PPL: variants seen among roughly 807,000 people sequenced by gnomAD.
PPL encodes periplakin.
Under a neutral mutation model 194.4 loss-of-function variants are expected in PPL, and 198 were observed. That is an observed-to-expected ratio of 1.02 (90% confidence interval 0.91 to 1.15). The LOEUF (loss-of-function observed/expected upper bound fraction) is 1.15. Among genes scored for constraint, PPL ranks in the 50% most tolerant of loss-of-function variants. The probability of loss-of-function intolerance (pLI) is 0.00; values close to 1 mark genes in which losing one functional copy is unlikely to be tolerated. For synonymous variants in PPL, 1,220 were observed against 972.4 expected (o/e 1.25, Z -4.74); for missense variants, 2,885 against 2,294.8 (o/e 1.26, Z -5.25).
chr16:4,926,878 C>CAAAAAAAAAAAAAA (rs71402575), intron 1 of PPL, among the ~76,000 whole-genome samples: 12 of 81,720 alleles, frequency 1.5e-4, no homozygotes, highest in Non-Finnish European at 2.1e-4. Flanking sequence ...GACTCTGTCT[C>CAAAAAAAAAAAAAA]AAAAAAAAAA....
rs2088677226 is a variant in PPL, at chr16:4,906,140, G to A, written c.163-2100C>T. Among the ~76,000 whole-genome samples the A allele has an allele frequency of 2.0e-5, 3 of 152,258 alleles. No homozygotes were observed. In the South Asian group the frequency reaches 6.2e-4, roughly 32 times the overall value. On this transcript the variant is annotated intron_variant, in intron 2 of 21. Coordinates refer to ENST00000345988, the MANE Select transcript of PPL (RefSeq NM_002705.5). Reference sequence around the variant, plus strand: ...CCAATCCAAAAAGCCAATGGAACCAGGCATCCCCCAACCCTGGGGTAGGCT... The same window carrying A: ...CCAATCCAAAAAGCCAATGGAACCAAGCATCCCCCAACCCTGGGGTAGGCT...
intron 18 of PPL, 56 bp from the exon 19 acceptor site, chr16:4,889,117 A>G (rs1596545476): frequency 6.5e-6 from 9 of 1,378,606 alleles, no homozygotes; most frequent in South Asian, 5.8e-5. Context: ...TAAAAAAGCA[A>G]CCATGGATGC....
rs544771460 is a variant in PPL at position 4,902,204 on chromosome 16, C to G, written c.438+202G>C. On this transcript the variant is annotated intron_variant, in intron 4 of 21. Transcript: ENST00000345988. This position sits in a 1 kb window ranked among gnomAD's most constrained non-coding sequence, Gnocchi z 4.0. Reference sequence around the variant, plus strand: ...CAGGGGACAGAGTCCGAATCTCCACCGCTTGAGCTGTGTGACCCTGACTTC... The same window carrying G: ...CAGGGGACAGAGTCCGAATCTCCACGGCTTGAGCTGTGTGACCCTGACTTC... Among the ~76,000 whole-genome samples the G allele has an allele frequency of 6.6e-6, 1 of 152,208 alleles. No homozygotes were observed. The highest frequency in any genetic ancestry group is 1.5e-5 in the Non-Finnish European group (1 of 68,042).
chr16:4,885,888 A>G lies in PPL; in HGVS notation c.2767T>C (p.Leu923=), dbSNP rs1567987617. The G allele has an allele frequency of 1.2e-6, 2 of 1,610,212 alleles. No individual in the cohort carries two copies. The highest frequency in any genetic ancestry group is 1.3e-5 in the African/African-American group (1 of 75,044). ...GATTCCTGAGGCCCCTGATTCCTCAAGGTCCAGATTTCTTCCTGGGTGCTC... is the reference window on the plus strand; with the variant it reads ...GATTCCTGAGGCCCCTGATTCCTCAGGGTCCAGATTTCTTCCTGGGTGCTC... ...VKSTQEEIWT[L]RNQGPQESVV... Residue 923 remains leucine (L), a synonymous_variant, in exon 22 of 22, where the codon TTG becomes CTG. Transcript: ENST00000345988. This position sits in a 1 kb window ranked among gnomAD's most constrained non-coding sequence, Gnocchi z 6.3.
intron 1 of PPL, among the ~76,000 whole-genome samples, chr16:4,915,929 C>G (rs72633277): frequency 0.13 from 19,917 of 152,204 alleles, 1,536 homozygotes; most frequent in East Asian, 0.26. Context: ...ATGTGACGAT[C>G]TTACAGGGCT....
intron 1 of PPL, among the ~76,000 whole-genome samples, chr16:4,916,115 G>T (rs1345435332): frequency 6.6e-6 from 1 of 152,202 alleles, no homozygotes; most frequent in Non-Finnish European, 1.5e-5. Context: ...ATGCAAAATG[G>T]TGTACAGTTG....
intron 17 of PPL, 69 bp downstream of exon 17, chr16:4,890,659 G>T: frequency 1.3e-6 from 2 of 1,492,290 alleles, no homozygotes; most frequent in Non-Finnish European, 1.8e-6. Flanking sequence ...CACGGCTAAA[G>T]CATTGCTTAG....
At chr16:4,887,252 C>A in intron 20 of PPL, 25 bp from the exon 21 acceptor site, 1 of 1,569,284 alleles carries the variant, frequency 6.4e-7, no homozygotes, top group Middle Eastern at 1.7e-4. Context: ...ATTAGGAGAG[C>A]GGTCAACAAA....
At chr16:4,890,442 C>T (rs75403547) in intron 17 of PPL, 108 bp from the exon 18 acceptor site, 89,160 of 1,337,222 alleles carry the variant, frequency 0.067, 3,282 homozygotes, top group Non-Finnish European at 0.071. Context: ...ACCAGAAATA[C>T]CCCAAGTATC....
intron 18 of PPL, 149 bp from the exon 19 acceptor site, chr16:4,889,210 C>A: frequency 1.2e-4 from 34 of 280,484 alleles, no homozygotes; most frequent in Non-Finnish European, 1.9e-4. Context: ...CATTTTTATT[C>A]ATTGCAAAAG....
intron 1 of PPL, among the ~76,000 whole-genome samples, chr16:4,934,591 C>G (rs2089268859): frequency 6.6e-6 from 1 of 152,130 alleles, no homozygotes; most frequent in Admixed American, 6.5e-5. Flanking sequence ...AGTGCTGGAG[C>G]TCCTACTGCC....
intron 1 of PPL, 115 bp downstream of exon 1, chr16:4,936,869 C>T: frequency 1.8e-6 from 2 of 1,088,940 alleles, no homozygotes; most frequent in South Asian, 1.5e-5. Flanking sequence ...GGGTTCAGTT[C>T]CCGGTTCCTG....
intron 1 of PPL, among the ~76,000 whole-genome samples, chr16:4,912,832 G>C (rs1366996482): frequency 2.0e-5 from 3 of 152,192 alleles, no homozygotes; most frequent in Non-Finnish European, 4.4e-5. Flanking sequence ...GGCCCGGTGT[G>C]GTGGCTCATA....
Position 4,892,051 on chromosome 16 carries a change from C to A in PPL, c.1813G>T (p.Asp605Tyr), listed in dbSNP as rs1287983884. Residue 605 changes from aspartate to tyrosine, a missense_variant, in exon 15 of 22, where the codon GAC (aspartate) becomes TAC (tyrosine). Physicochemically the swap from Asp to Tyr is radical, Grantham distance 160. Coordinates refer to ENST00000345988, the MANE Select transcript of PPL (RefSeq NM_002705.5). ...RKYEHLLQLL[D>Y]LAQEKVDVAN... is the part of the protein sequence containing the mutation. ...GCCACCCACTTCTCCTGGGCCAAGT[C>A]CAGCAGCTGCAGGAGGTGCTCGTAT... is the stretch of plus-strand genomic sequence containing the variant. The A allele has an allele frequency of 1.2e-6, 2 of 1,613,502 alleles. No individual in the cohort carries two copies. Among genetic ancestry groups the A allele is most frequent in the South Asian group, 1.1e-5 (1 of 91,088 alleles).
chr16:4,928,053 C>T (rs1000507298), intron 1 of PPL, among the ~76,000 whole-genome samples: 4 of 152,194 alleles, frequency 2.6e-5, no homozygotes, highest in Admixed American at 6.5e-5. Flanking sequence ...TTCCTAGACT[C>T]GGGGGATAAA....
At chr16:4,905,733 G>C (rs920372551) in intron 2 of PPL, among the ~76,000 whole-genome samples, 2 of 152,208 alleles carry the variant, frequency 1.3e-5, no homozygotes, top group Admixed American at 1.3e-4. Context: ...GAGTGCCTTT[G>C]CCTGGCTAAG....
rs1376297543 is a variant in PPL, at chr16:4,902,103, C to G, written c.438+303G>C. ...CCTGGCCGCTTCCGCCCCAGCCTGCCCACAAAATGTCACCAAGACCCCAAC... is the reference window on the plus strand; with the variant it reads ...CCTGGCCGCTTCCGCCCCAGCCTGCGCACAAAATGTCACCAAGACCCCAAC... On this transcript the variant is annotated intron_variant, in intron 4 of 21. Coordinates refer to ENST00000345988, the MANE Select transcript of PPL (RefSeq NM_002705.5). The surrounding 1 kb of genome is among the most constrained non-coding windows in gnomAD (Gnocchi z 4.0). Among the ~76,000 whole-genome samples the G allele has an allele frequency of 6.6e-6, 1 of 152,164 alleles. No individual in the cohort carries two copies. Among genetic ancestry groups the G allele is most frequent in the Non-Finnish European group, 1.5e-5 (1 of 68,034 alleles).
Position 4,884,006 on chromosome 16 carries a change from T to C in PPL, c.4649A>G (p.His1550Arg), listed in dbSNP as rs534852312. 7.1e-5 allele frequency: 114 copies of C among 1,614,004 alleles called. No homozygotes were observed. Among genetic ancestry groups the C allele is most frequent in the Middle Eastern group, 3.3e-4 (2 of 6,058 alleles). ...LEARLSELEFHNSKSSKELDF... is the reference protein window; with the variant it reads ...LEARLSELEFRNSKSSKELDF... ...TAGTTCCTTGGATGACTTGGAGTTA[T>C]GGAATTCCAGCTCCGAAAGCCTGGC... Residue 1550 changes from histidine (H) to arginine (R), a missense_variant, in exon 22 of 22, where the codon CAT becomes CGT. His to Arg is a conservative substitution (Grantham distance 29). Transcript: ENST00000345988. This position sits in a 1 kb window ranked among gnomAD's most constrained non-coding sequence, Gnocchi z 5.7.
chr16:4,928,127 G>A (rs1322391079), intron 1 of PPL, among the ~76,000 whole-genome samples: 1 of 152,202 alleles, frequency 6.6e-6, no homozygotes, highest in East Asian at 1.9e-4. Flanking sequence ...CAGGACCACT[G>A]GAGAAAGAGC....
Sources: allele counts gnomAD v4.1 joint callset (sites outside exome capture counted in the v4.1 genomes callset), GRCh38; gene constraint gnomAD v4.1.1; non-coding constraint Gnocchi (gnomAD v3.1); transcripts MANE v1.5; gene names NCBI Gene and HGNC (gene_info 2026-07-23, HGNC 2026-07-21).